Variants in CDC42BPA observed in about 807,000 individuals in gnomAD.
CDC42BPA encodes CDC42 binding protein kinase alpha, also known as serine/threonine-protein kinase MRCK alpha.
Under a neutral mutation model 223.5 loss-of-function variants are expected in CDC42BPA, and 80 were observed. The ratio of observed to expected loss-of-function variants is 0.36; its 90% CI spans 0.30 to 0.43. CDC42BPA has a LOEUF of 0.43. Among genes scored for constraint, CDC42BPA ranks in the 20% least tolerant of loss-of-function variants. CDC42BPA has a pLI of 1.00. For missense variants in CDC42BPA, 1,743 were observed against 2,099.9 expected, an observed-to-expected ratio of 0.83 and a Z score of 3.32; for synonymous variants, 694 against 718.6, an observed-to-expected ratio of 0.97 and a Z score of 0.55.
chr1:227,300,461 T>C (rs145573009), intron 1 of CDC42BPA, among the ~76,000 whole-genome samples: 48 of 152,230 alleles, frequency 3.2e-4, no homozygotes, highest in Admixed American at 1.9e-3. Context: ...ATGGTATATA[T>C]ATACACACAT....
At chr1:227,167,756 T>G (rs923169192) in intron 5 of CDC42BPA, among the ~76,000 whole-genome samples, 1 of 152,204 alleles carries the variant, frequency 6.6e-6, no homozygotes, top group Non-Finnish European at 1.5e-5. Flanking sequence ...GTGAAGAAAT[T>G]AGTAAGAATA....
chr1:227,268,687 CACA>C (rs1251380274), intron 1 of CDC42BPA, among the ~76,000 whole-genome samples: 1 of 133,538 alleles, frequency 7.5e-6, no homozygotes, highest in African/African-American at 3.2e-5. Context: ...TATACACACA[CACA>C]CTTTTTTTTT....
At chr1:227,260,037 A>G (rs1055034280) in intron 1 of CDC42BPA, among the ~76,000 whole-genome samples, 1 of 78,736 alleles carries the variant, frequency 1.3e-5, no homozygotes, top group Non-Finnish European at 3.0e-5. Flanking sequence ...CATTTTACAG[A>G]AAAAAAAAAA....
At chr1:227,310,769 C>T (rs1693384519) in intron 1 of CDC42BPA, among the ~76,000 whole-genome samples, 1 of 109,916 alleles carries the variant, frequency 9.1e-6, no homozygotes, top group South Asian at 2.3e-4. Flanking sequence ...TCACTGCAAG[C>T]TCTGACTCCT....
At chr1:227,065,097 A>AAAATACATAAATAAATAAATAAAT (rs1676743013) in intron 21 of CDC42BPA, among the ~76,000 whole-genome samples, 1 of 148,718 alleles carries the variant, frequency 6.7e-6, no homozygotes, top group African/African-American at 2.5e-5. Context: ...ACTCCATCTC[A>AAAATACATAAATAAATAAATAAAT]AAATAAATAA....
In CDC42BPA at chr1:227,133,558, G is replaced by T. The variant is rs1180914815; in HGVS notation, c.1391-4327C>A. Among the ~76,000 whole-genome samples, 3 of 152,358 alleles carry T rather than the reference G, an allele frequency of 2.0e-5. No homozygotes were observed. In the East Asian group the frequency reaches 5.8e-4, roughly 29 times the overall value. The stretch of plus-strand genomic sequence containing the variant: ...TGGGGAAAAGATTGAGAAATCGGAT[G>T]GTTGCCGTGTCTGTGCAGAGAGAAG... On this transcript the variant is annotated intron_variant, in intron 10 of 36. Transcript: ENST00000366766.
intron 30 of CDC42BPA, 74 bp downstream of exon 30, chr1:227,028,583 T>C (rs1668693655): frequency 6.1e-6 from 6 of 991,176 alleles, no homozygotes; most frequent in Non-Finnish European, 9.0e-6. Context: ...AATGACAACA[T>C]TTGGGAGACG....
At chr1:227,191,224 A>T (rs1669647550) in intron 5 of CDC42BPA, among the ~76,000 whole-genome samples, 1 of 152,044 alleles carries the variant, frequency 6.6e-6, no homozygotes, top group East Asian at 1.9e-4. Flanking sequence ...GCATGACTGT[A>T]ATCCCAGCTA....
chr1:227,036,578 C>T (rs972454507), intron 24 of CDC42BPA, among the ~76,000 whole-genome samples: 8 of 152,016 alleles, frequency 5.3e-5, no homozygotes, highest in African/African-American at 1.4e-4. Flanking sequence ...TACAGGCGCC[C>T]GCCACCTTGC....
intron 2 of CDC42BPA, among the ~76,000 whole-genome samples, chr1:227,238,038 CAAAA>C (rs35731369): frequency 2.2e-5 from 2 of 91,302 alleles, no homozygotes; most frequent in Non-Finnish European, 2.0e-5. Flanking sequence ...AACTCTGTCT[CAAAA>C]AAAAAAAAAA....
At chr1:227,134,946 T>G (rs1277034229) in intron 10 of CDC42BPA, among the ~76,000 whole-genome samples, 1 of 152,250 alleles carries the variant, frequency 6.6e-6, no homozygotes, top group East Asian at 1.9e-4. Flanking sequence ...ATACATAATT[T>G]GAGAAAATCT....
chr1:227,042,880 A>C (rs1359238055), intron 23 of CDC42BPA, among the ~76,000 whole-genome samples: 1 of 152,226 alleles, frequency 6.6e-6, no homozygotes, highest in Non-Finnish European at 1.5e-5. Context: ...AGTGGTGATT[A>C]GAAAGAGTTC....
chr1:227,015,090 G>C (rs1191372983), intron 34 of CDC42BPA, among the ~76,000 whole-genome samples: 1 of 151,632 alleles, frequency 6.6e-6, no homozygotes. Flanking sequence ...CGAGTAACCA[G>C]GACTACAGGC....
intron 10 of CDC42BPA, among the ~76,000 whole-genome samples, chr1:227,130,741 G>C (rs1480246317): frequency 2.0e-5 from 3 of 152,158 alleles, no homozygotes; most frequent in Admixed American, 1.3e-4. Context: ...TGTAATACCA[G>C]CTACTCGGGA....
At chr1:227,139,794 G>T in intron 9 of CDC42BPA, 52 bp from the exon 10 acceptor site, 1 of 1,184,156 alleles carries the variant, frequency 8.4e-7, no homozygotes, top group Non-Finnish European at 1.1e-6. Flanking sequence ...AAAGCTTGAA[G>T]AAAAACGTTA....
chr1:227,217,959 T>C (rs769910751), intron 2 of CDC42BPA, among the ~76,000 whole-genome samples: 10 of 152,220 alleles, frequency 6.6e-5, no homozygotes, highest in Admixed American at 1.3e-4. Context: ...ACTTTGTTCA[T>C]TGTTTGCTTC....
intron 12 of CDC42BPA, among the ~76,000 whole-genome samples, chr1:227,113,964 G>C (rs774320705): frequency 6.9e-6 from 1 of 144,134 alleles, no homozygotes; most frequent in Non-Finnish European, 1.5e-5. Flanking sequence ...GCTGCAGGGA[G>C]CTGAGATCAC....
intron 10 of CDC42BPA, among the ~76,000 whole-genome samples, chr1:227,139,004 T>C (rs1346196149): frequency 6.6e-6 from 1 of 152,084 alleles, no homozygotes; most frequent in African/African-American, 2.4e-5. Context: ...CAGGAGATTA[T>C]AAAAGATTTG....
intron 5 of CDC42BPA, among the ~76,000 whole-genome samples, chr1:227,177,389 G>A (rs1275331422): frequency 6.6e-6 from 1 of 152,054 alleles, no homozygotes; most frequent in Non-Finnish European, 1.5e-5. Flanking sequence ...TGCATTGATA[G>A]TTTTCTTCCT....
Sources: allele counts gnomAD v4.1 joint callset (sites outside exome capture counted in the v4.1 genomes callset), GRCh38; gene constraint gnomAD v4.1.1; transcripts MANE v1.5; gene names NCBI Gene and HGNC (gene_info 2026-07-23, HGNC 2026-07-21).